The following ESRRG variants were observed in gnomAD, a reference collection of about 807,000 sequenced individuals.
ESRRG encodes estrogen related receptor gamma.
ESRRG carries 13 observed loss-of-function variants against 44.0 expected under a neutral mutation model. That is an observed-to-expected ratio of 0.30 (90% confidence interval 0.19 to 0.47). ESRRG has a LOEUF of 0.47. ESRRG is among the 20% of genes least tolerant of loss of function. ESRRG has a pLI of 1.00. For missense variants in ESRRG, 395 were observed against 580.6 expected (o/e 0.68, Z 3.29); for synonymous variants, 215 against 214.6 (o/e 1.00, Z -0.02).
chr1:217,005,828 T>G (rs2077673863), intron 1 of ESRRG, among the ~76,000 whole-genome samples: 1 of 152,146 alleles, frequency 6.6e-6, no homozygotes, highest in Non-Finnish European at 1.5e-5. Flanking sequence ...CTATACAAAT[T>G]TATAGGAAAA....
intron 1 of ESRRG, among the ~76,000 whole-genome samples, chr1:217,114,258 G>T (rs1015762124): frequency 6.6e-6 from 1 of 151,850 alleles, no homozygotes; most frequent in African/African-American, 2.4e-5. Flanking sequence ...GTTTCAGGAA[G>T]CCTCATGCAC....
chr1:217,005,692 A>G (rs2077642994), intron 1 of ESRRG, among the ~76,000 whole-genome samples: 1 of 152,058 alleles, frequency 6.6e-6, no homozygotes, highest in Non-Finnish European at 1.5e-5. Context: ...TAATAACATT[A>G]GCATTGGTTC....
At chr1:217,008,116 C>A (rs2078020328) in intron 1 of ESRRG, among the ~76,000 whole-genome samples, 2 of 152,182 alleles carry the variant, frequency 1.3e-5, no homozygotes, top group Admixed American at 6.5e-5. Context: ...AAACCCAGTG[C>A]AGCAGACATT....
At chr1:216,892,626 T>C (rs1183244025) in intron 2 of ESRRG, among the ~76,000 whole-genome samples, 2 of 152,178 alleles carry the variant, frequency 1.3e-5, no homozygotes, top group Admixed American at 1.3e-4. Flanking sequence ...GTAGGATTTG[T>C]TCTGAACCAA....
intron 1 of ESRRG, among the ~76,000 whole-genome samples, chr1:216,998,716 C>A (rs184656242): frequency 6.6e-6 from 1 of 152,172 alleles, no homozygotes; most frequent in African/African-American, 2.4e-5. Flanking sequence ...TATTCCTTCA[C>A]ACAGCGTGAA....
intron 1 of ESRRG, among the ~76,000 whole-genome samples, chr1:217,020,894 A>G (rs767298887): frequency 1.3e-5 from 2 of 152,048 alleles, no homozygotes; most frequent in African/African-American, 2.4e-5. Context: ...ATGACTACCA[A>G]TTTTTTTAAA....
intron 3 of ESRRG, among the ~76,000 whole-genome samples, chr1:216,647,269 A>C (rs192845707): frequency 4.9e-4 from 75 of 152,286 alleles, no homozygotes; most frequent in African/African-American, 1.7e-3. Context: ...AGTATGGTAT[A>C]ATGACAAAAA....
intron 5 of ESRRG, among the ~76,000 whole-genome samples, chr1:216,537,891 T>A (rs1276951104): frequency 6.6e-6 from 1 of 152,110 alleles, no homozygotes; most frequent in Non-Finnish European, 1.5e-5. Flanking sequence ...CATGCAGCAC[T>A]GTTTGTCTTC....
rs181996292 is a variant in ESRRG, at chr1:216,607,265, T to C, written c.590-39167A>G. On this transcript the variant is annotated intron_variant, in intron 3 of 6. Coordinates refer to ENST00000408911, the MANE Select transcript of ESRRG (RefSeq NM_001438.4). ...CTGGAGAAAAGTGGATGGAGTTAGA[T>C]GTGGAAAAAACTGGCCACCAAAACT... Among the ~76,000 whole-genome samples the C allele has an allele frequency of 3.3e-5, 5 of 152,270 alleles. No homozygotes were observed. The East Asian group carries it at 7.7e-4, about 24-fold the overall frequency.
intron 2 of ESRRG, among the ~76,000 whole-genome samples, chr1:216,857,342 C>T (rs2095963476): frequency 6.6e-6 from 1 of 150,464 alleles, no homozygotes; most frequent in African/African-American, 2.4e-5. Context: ...CTTTCCTATT[C>T]TCCCTTAACC....
At chr1:216,543,211 A>G (rs1190343119) in intron 5 of ESRRG, among the ~76,000 whole-genome samples, 2 of 152,042 alleles carry the variant, frequency 1.3e-5, no homozygotes, top group Admixed American at 6.6e-5. Flanking sequence ...CTATCCATCC[A>G]TTAAATCCAT....
chr1:216,772,067 A>T (rs535297171), intron 2 of ESRRG, among the ~76,000 whole-genome samples: 5 of 152,150 alleles, frequency 3.3e-5, no homozygotes, highest in African/African-American at 9.6e-5. Context: ...ACACACTCAA[A>T]TACCTACAGG....
chr1:216,751,955 T>A (rs964475282), intron 2 of ESRRG, among the ~76,000 whole-genome samples: 1 of 152,158 alleles, frequency 6.6e-6, no homozygotes, highest in African/African-American at 2.4e-5. Context: ...AGAGTCATTA[T>A]GTAGAATGGG....
intron 1 of ESRRG, among the ~76,000 whole-genome samples, chr1:216,700,569 G>A (rs972173854): frequency 6.6e-6 from 1 of 152,038 alleles, no homozygotes; most frequent in African/African-American, 2.4e-5. Context: ...CTGGTAACAA[G>A]GTTCGTAAAG....
At chr1:216,550,629 G>A (rs2056014480) in intron 5 of ESRRG, among the ~76,000 whole-genome samples, 1 of 152,080 alleles carries the variant, frequency 6.6e-6, no homozygotes, top group Non-Finnish European at 1.5e-5. Context: ...GAACTGTGCT[G>A]TTGCCGGAGA....
chr1:217,031,685 G>A (rs1466151583), intron 1 of ESRRG, among the ~76,000 whole-genome samples: 1 of 152,154 alleles, frequency 6.6e-6, no homozygotes, highest in Non-Finnish European at 1.5e-5. Flanking sequence ...ACATGTGGTG[G>A]GAGGGAGCCA....
intron 5 of ESRRG, among the ~76,000 whole-genome samples, chr1:216,548,972 C>T (rs949240832): frequency 6.6e-6 from 1 of 152,024 alleles, no homozygotes. Context: ...AAATAAGGGA[C>T]CTAGCAGGCC....
chr1:216,953,897 A>G (rs1004116155), intron 1 of ESRRG, among the ~76,000 whole-genome samples: 2 of 152,134 alleles, frequency 1.3e-5, no homozygotes, highest in African/African-American at 4.8e-5. Context: ...TTTATCATTA[A>G]TGATATATCA....
At position 216,985,042 on chromosome 1, in the gene ESRRG, A is replaced by T. The variant is rs557282590; in HGVS notation, c.-105-45369T>A. 2.6e-5 allele frequency among the ~76,000 whole-genome samples: 4 copies of T among 152,340 alleles called. No homozygotes were observed. The East Asian group carries it at 7.7e-4, about 29-fold the overall frequency. On this transcript the variant is annotated intron_variant, in intron 1 of 7. Transcript: ENST00000359162. ...CAGGCTAAAGTATGGCTCCAGTTTCAGAATCACGGCTGGGTTTGCCAGTAT... is the reference window on the plus strand; with the variant it reads ...CAGGCTAAAGTATGGCTCCAGTTTCTGAATCACGGCTGGGTTTGCCAGTAT...
Sources: allele counts gnomAD v4.1 joint callset (sites outside exome capture counted in the v4.1 genomes callset), GRCh38; gene constraint gnomAD v4.1.1; transcripts MANE v1.5; gene names NCBI Gene and HGNC (gene_info 2026-07-23, HGNC 2026-07-21).